ATP8B4: variants seen among roughly 807,000 people sequenced by gnomAD.
The protein encoded by ATP8B4 is ATPase phospholipid transporting 8B4 (putative), also known as probable phospholipid-transporting ATPase IM.
In ATP8B4, 133 loss-of-function variants were observed where a neutral mutation model predicts 145.6. The ratio of observed to expected loss-of-function variants is 0.91; its 90% CI spans 0.79 to 1.05. ATP8B4 has a LOEUF of 1.05. ATP8B4 is among the 50% of genes least tolerant of loss of function. ATP8B4 has a pLI of 0.00. For missense variants in ATP8B4, 1,458 were observed against 1,425.2 expected, an observed-to-expected ratio of 1.02 and a Z score of -0.37; for synonymous variants, 507 against 492.9, an observed-to-expected ratio of 1.03 and a Z score of -0.38.
intron 3 of ATP8B4, among the ~76,000 whole-genome samples, chr15:50,073,467 T>G (rs1162707487): frequency 6.6e-5 from 10 of 152,204 alleles, no homozygotes; most frequent in Non-Finnish European, 1.3e-4. Context: ...TGCCACATTT[T>G]CTTTATCCAG....
chr15:49,951,451 G>A (rs2043093505), intron 14 of ATP8B4, among the ~76,000 whole-genome samples: 1 of 152,052 alleles, frequency 6.6e-6, no homozygotes, highest in African/African-American at 2.4e-5. Context: ...ATTATGTAAT[G>A]CCCTTCTTAG....
At chr15:49,920,569 A>T (rs2153454754) in intron 17 of ATP8B4, among the ~76,000 whole-genome samples, 159 bp from the exon 18 acceptor site, 1 of 152,294 alleles carries the variant, frequency 6.6e-6, no homozygotes, top group Middle Eastern at 3.4e-3. Context: ...TCTCCTCAGA[A>T]ATGGGAGATA....
intron 13 of ATP8B4, among the ~76,000 whole-genome samples, chr15:49,969,370 A>G (rs2044866893): frequency 6.6e-6 from 1 of 151,698 alleles, no homozygotes; most frequent in East Asian, 1.9e-4. Context: ...AAATAGACAG[A>G]CCACTAGCCA....
chr15:50,029,238 T>TAAAAAAAAAAAAAAAAAAAAAA (rs58363112), intron 6 of ATP8B4, among the ~76,000 whole-genome samples: 31 of 76,586 alleles, frequency 4.0e-4, no homozygotes, highest in Non-Finnish European at 5.6e-4. Flanking sequence ...GACTCCATCT[T>TAAAAAAAAAAAAAAAAAAAAAA]AAAAAAAAAA....
chr15:50,019,093 T>A, intron 6 of ATP8B4: 1 of 513,912 alleles, frequency 1.9e-6, no homozygotes, highest in South Asian at 1.5e-5. Context: ...CCCTGTCCTT[T>A]GAGGATGACT....
intron 10 of ATP8B4, among the ~76,000 whole-genome samples, chr15:49,986,894 C>G (rs1027032502): frequency 7.9e-6 from 1 of 126,122 alleles, no homozygotes; most frequent in Non-Finnish European, 1.6e-5. Flanking sequence ...ACAGTCTTTC[C>G]AGAACCCACT....
chr15:49,976,245 T>C (rs2045649705), intron 12 of ATP8B4, among the ~76,000 whole-genome samples: 1 of 151,612 alleles, frequency 6.6e-6, no homozygotes, highest in African/African-American at 2.4e-5. Flanking sequence ...CTCTTCTGCA[T>C]CCCACCCCAC....
intron 25 of ATP8B4, among the ~76,000 whole-genome samples, chr15:49,869,224 T>A (rs1254327118): frequency 1.3e-5 from 2 of 152,044 alleles, no homozygotes; most frequent in Admixed American, 1.3e-4. Context: ...AAATGGGATA[T>A]TTTAAAACCA....
intron 5 of ATP8B4, among the ~76,000 whole-genome samples, 153 bp downstream of exon 5, chr15:50,044,441 C>T (rs946077651): frequency 6.6e-6 from 1 of 152,168 alleles, no homozygotes; most frequent in Admixed American, 6.5e-5. Context: ...TTTTACAGCA[C>T]CTGTATTAAT....
intron 6 of ATP8B4, among the ~76,000 whole-genome samples, chr15:50,032,504 T>C (rs1599928637): frequency 6.6e-6 from 1 of 152,344 alleles, no homozygotes; most frequent in Non-Finnish European, 1.5e-5. Context: ...TACATGTGCA[T>C]GTGCTTTTAG....
chr15:50,061,568 A>T (rs906739436), intron 3 of ATP8B4, among the ~76,000 whole-genome samples: 3 of 152,232 alleles, frequency 2.0e-5, no homozygotes, highest in African/African-American at 7.2e-5. Flanking sequence ...TGAATTAAAG[A>T]AACAAAAAAA....
At position 49,866,444 on chromosome 15, in the gene ATP8B4, A is replaced by C. The variant is rs535873698; in HGVS notation, c.3068T>G (p.Val1023Gly). 6.2e-7 allele frequency: 1 copy of C among 1,613,718 alleles called. No homozygotes were observed. Reference protein sequence around the residue: ...DTSYWTFINHVFIWGSIAIYF... With the variant: ...DTSYWTFINHGFIWGSIAIYF... ...AATGGCAATGCTCCCCCAGATGAAGACGTGATTAATGAAAGTCCAGTAACT... is the reference window on the plus strand; with the variant it reads ...AATGGCAATGCTCCCCCAGATGAAGCCGTGATTAATGAAAGTCCAGTAACT... The change falls in exon 26 of 28, where the codon GTC becomes GGC. Residue 1023 changes from valine to glycine, a missense_variant. Transcript: ENST00000284509.
chr15:49,971,101 A>C (rs1456373722), intron 13 of ATP8B4, among the ~76,000 whole-genome samples: 1 of 152,214 alleles, frequency 6.6e-6, no homozygotes, highest in Non-Finnish European at 1.5e-5. Flanking sequence ...CCTTCCTTAC[A>C]CCTTATACAA....
At chr15:50,074,094 C>A (rs747622545) in intron 3 of ATP8B4, 33 bp downstream of exon 3, 208 of 1,587,864 alleles carry the variant, frequency 1.3e-4, no homozygotes, top group Admixed American at 1.4e-4. Flanking sequence ...AAGACCTATC[C>A]TAGTACGTAT....
intron 1 of ATP8B4, among the ~76,000 whole-genome samples, chr15:50,127,437 C>T (rs567391668): frequency 6.6e-6 from 1 of 152,284 alleles, no homozygotes; most frequent in East Asian, 1.9e-4. Context: ...GAGTGAGTCA[C>T]AAACATACAT....
intron 13 of ATP8B4, among the ~76,000 whole-genome samples, chr15:49,968,688 C>T (rs112420460): frequency 3.1e-3 from 465 of 152,258 alleles, no homozygotes; most frequent in African/African-American, 0.011. Context: ...GACTTTAACA[C>T]CTCATTGTCA....
chr15:50,133,800 G>T (rs768122240), intron 1 of ATP8B4, among the ~76,000 whole-genome samples: 6 of 151,936 alleles, frequency 3.9e-5, no homozygotes, highest in Non-Finnish European at 7.4e-5. Flanking sequence ...TGTATACTTG[G>T]AATTTGCTAA....
At position 49,987,689 on chromosome 15, in the gene ATP8B4, A is replaced by T. The variant is rs904083794; in HGVS notation, c.590-140T>A. 11 of 858,946 alleles carry T rather than the reference A, an allele frequency of 1.3e-5. No homozygotes were observed. The East Asian group carries it at 2.9e-4, about 22-fold the overall frequency. 53.2% of individuals were successfully genotyped at this position (858,946 alleles called of 1,614,324 possible). A position where few individuals can be genotyped will look rare whatever the true frequency, so the allele number is the denominator to read the frequency against. ...ATATAAAGAATTGTGCTAGAAAAAAATAAGCTGGGAGGTAGAAAAATGGAA... is the reference window on the plus strand; with the variant it reads ...ATATAAAGAATTGTGCTAGAAAAAATTAAGCTGGGAGGTAGAAAAATGGAA... On this transcript the variant is annotated intron_variant, in intron 9 of 27. Transcript: ENST00000284509.
intron 13 of ATP8B4, among the ~76,000 whole-genome samples, chr15:49,962,228 T>A (rs953192094): frequency 6.6e-6 from 1 of 152,228 alleles, no homozygotes; most frequent in African/African-American, 2.4e-5. Context: ...TTGCCCAAGA[T>A]AGGACTAAAG....
Sources: allele counts gnomAD v4.1 joint callset (sites outside exome capture counted in the v4.1 genomes callset), GRCh38; gene constraint gnomAD v4.1.1; transcripts MANE v1.5; gene names NCBI Gene and HGNC (gene_info 2026-07-23, HGNC 2026-07-21).